Variants in MPRIP observed in about 807,000 individuals in gnomAD.
MPRIP encodes the protein myosin phosphatase Rho-interacting protein.
In MPRIP, 59 loss-of-function variants were observed where a neutral mutation model predicts 234.9. The observed-to-expected ratio is 0.25, with a 90% CI of 0.20 to 0.31. MPRIP has a LOEUF of 0.31. Ranked by LOEUF, MPRIP falls within the 10% of genes least tolerant of loss-of-function variation. The pLI is 1.00. For synonymous variants in MPRIP, 1,144 were observed against 1,263.9 expected (o/e 0.91, Z 2.01); for missense variants, 2,436 against 3,071.0 (o/e 0.79, Z 4.89).
Position 17,164,144 on chromosome 17 carries a change from G to T in MPRIP, c.2553G>T (p.Gln851His), listed in dbSNP as rs755428885. The change falls in exon 16 of 24, where the codon CAG becomes CAT. Residue 851 changes from glutamine (Q) to histidine (H), a missense_variant. Physicochemically the swap from Gln to His is conservative, Grantham distance 24. This residue lies in a region of MPRIP where 1,998 missense variants were observed against 2,520.3 expected (regional missense o/e 0.79). Transcript: ENST00000651222. ...EVAASPSGAW[Q>H]RLHRVNQDLQ... ...CCGCCTCCCCATCGGGTGCCTGGCA[G>T]AGGCTCCATAGAGTCAACCAAGACC... is the stretch of plus-strand genomic sequence containing the variant. 1.5e-6 allele frequency: 2 copies of T among 1,304,128 alleles called. No homozygotes were observed. Among genetic ancestry groups the T allele is most frequent in the South Asian group, 2.5e-5 (2 of 81,036 alleles). 80.8% of individuals were successfully genotyped at this position (1,304,128 alleles called of 1,614,324 possible). A position where few individuals can be genotyped will look rare whatever the true frequency, so the allele number is the denominator to read the frequency against.
intron 15 of MPRIP, among the ~76,000 whole-genome samples, chr17:17,162,267 A>G (rs1047625915): frequency 1.3e-5 from 2 of 152,222 alleles, no homozygotes; most frequent in African/African-American, 4.8e-5. Flanking sequence ...CTGCCTGTGT[A>G]GACTTAGACC....
intron 3 of MPRIP, among the ~76,000 whole-genome samples, chr17:17,086,962 GCTTGGGACCCAGTCTTATAAGTCT>G (rs1197389416): frequency 1.3e-5 from 2 of 152,172 alleles, no homozygotes; most frequent in Non-Finnish European, 2.9e-5. Flanking sequence ...TCCGGGAAGG[GCTTGGGACCCAGTCTTATAAGTCT>G]CTTGGACCCG....
intron 3 of MPRIP, among the ~76,000 whole-genome samples, chr17:17,081,278 G>T (rs2089456238): frequency 6.6e-6 from 1 of 152,212 alleles, no homozygotes; most frequent in African/African-American, 2.4e-5. Flanking sequence ...TTCTTGGTGT[G>T]TCTCCCCATT....
chr17:17,153,615 A>G (rs1597469975), intron 12 of MPRIP, among the ~76,000 whole-genome samples: 5 of 130,042 alleles, frequency 3.8e-5, no homozygotes, highest in Admixed American at 3.0e-4. Flanking sequence ...CCTAGACTCC[A>G]CCTCATCCAA....
chr17:17,085,269 T>C (rs2089560204), intron 3 of MPRIP, among the ~76,000 whole-genome samples: 1 of 152,216 alleles, frequency 6.6e-6, no homozygotes, highest in Non-Finnish European at 1.5e-5. Context: ...TCTGCTCAGC[T>C]GCTCATTTCT....
chr17:17,080,952 T>TTG (rs34111584), intron 3 of MPRIP, among the ~76,000 whole-genome samples: 12,266 of 151,624 alleles, frequency 0.081, 689 homozygotes, highest in East Asian at 0.16. Flanking sequence ...GCAGAACTGC[T>TTG]TGTGTGTGTG....
At chr17:17,048,954 T>C (rs2088445462) in intron 1 of MPRIP, among the ~76,000 whole-genome samples, 1 of 152,242 alleles carries the variant, frequency 6.6e-6, no homozygotes, top group Admixed American at 6.5e-5. Context: ...CACTAATGCG[T>C]AGATAAGCAA....
chr17:17,115,768 T>C (rs1024495442), intron 3 of MPRIP, among the ~76,000 whole-genome samples: 1 of 151,780 alleles, frequency 6.6e-6, no homozygotes, highest in Non-Finnish European at 1.5e-5. Context: ...ATCTCACAAC[T>C]TTACCATCTG....
intron 3 of MPRIP, among the ~76,000 whole-genome samples, chr17:17,108,102 C>A (rs1003357610): frequency 6.6e-6 from 1 of 152,228 alleles, no homozygotes; most frequent in African/African-American, 2.4e-5. Flanking sequence ...TCCCTCCTGC[C>A]TTGTCCCTCA....
chr17:17,183,862 C>T (rs1316579113), intron 23 of MPRIP, among the ~76,000 whole-genome samples: 1 of 152,202 alleles, frequency 6.6e-6, no homozygotes, highest in African/African-American at 2.4e-5. Context: ...TCAGGCAGAC[C>T]CTGAGCTAGA....
At chr17:17,177,716 C>G (rs1366410420) in intron 22 of MPRIP, among the ~76,000 whole-genome samples, 1 of 152,194 alleles carries the variant, frequency 6.6e-6, no homozygotes, top group Non-Finnish European at 1.5e-5. Context: ...AGAAGTAGCT[C>G]TCACTAGCTG....
intron 17 of MPRIP, 68 bp from the exon 18 acceptor site, chr17:17,172,630 C>T (rs1300889287): frequency 3.1e-6 from 4 of 1,287,964 alleles, no homozygotes; most frequent in Non-Finnish European, 4.4e-6. Flanking sequence ...TGTGGAGCTC[C>T]CCACCCCCAC....
At chr17:17,159,066 C>T in intron 14 of MPRIP, 64 bp downstream of exon 14, 19 of 1,502,154 alleles carry the variant, frequency 1.3e-5, no homozygotes, top group Non-Finnish European at 1.7e-5. Context: ...TCAGCTGTGC[C>T]CAGCTGTGGC....
At chr17:17,122,510 C>T (rs925973551) in intron 3 of MPRIP, among the ~76,000 whole-genome samples, 1 of 152,152 alleles carries the variant, frequency 6.6e-6, no homozygotes, top group Non-Finnish European at 1.5e-5. Flanking sequence ...ACTGCCACCA[C>T]GCCCAGCTAA....
intron 4 of MPRIP, 133 bp downstream of exon 4, chr17:17,126,986 T>C (rs1340733739): frequency 9.0e-7 from 1 of 1,108,044 alleles, no homozygotes; most frequent in Non-Finnish European, 1.3e-6. Flanking sequence ...GCTCTGTCTC[T>C]GTTCTCAACA....
chr17:17,134,761 G>A (rs924079394), intron 5 of MPRIP, among the ~76,000 whole-genome samples: 1 of 152,224 alleles, frequency 6.6e-6, no homozygotes, highest in African/African-American at 2.4e-5. Flanking sequence ...CCCCTCACTG[G>A]CTGTGTGCGT....
intron 3 of MPRIP, among the ~76,000 whole-genome samples, chr17:17,112,752 C>A (rs2090198491): frequency 6.6e-6 from 1 of 152,190 alleles, no homozygotes; most frequent in South Asian, 2.1e-4. Context: ...TGCCACTGGA[C>A]AAAGGTGTTT....
intron 3 of MPRIP, among the ~76,000 whole-genome samples, chr17:17,106,040 T>C (rs757338638): frequency 2.0e-5 from 3 of 152,224 alleles, no homozygotes; most frequent in Admixed American, 6.5e-5. Context: ...AGTACCATGA[T>C]CAGGATCTTC....
intron 3 of MPRIP, among the ~76,000 whole-genome samples, chr17:17,087,254 C>G (rs1276623349): frequency 6.6e-6 from 1 of 152,146 alleles, no homozygotes; most frequent in African/African-American, 2.4e-5. Context: ...AGTGACTGAA[C>G]CACAGATGTG....
Sources: gnomAD v4.1 joint callset for allele counts (sites outside exome capture counted in the v4.1 genomes callset) on GRCh38, gnomAD v4.1.1 for gene constraint, gnomAD v4.1.1 regional missense constraint, MANE v1.5 for transcripts, NCBI Gene and HGNC (gene_info 2026-07-23, HGNC 2026-07-21) for gene names.